Variants in NPIPB8 observed in about 807,000 individuals in gnomAD.
NPIPB8 encodes the protein nuclear pore complex interacting protein family member B8.
A neutral mutation model predicts 5.3 loss-of-function variants in NPIPB8; 3 were observed. That is an observed-to-expected ratio of 0.57 (90% confidence interval 0.26 to 1.47). The LOEUF (loss-of-function observed/expected upper bound fraction) is 1.47, where lower values mean the gene tolerates loss of function less well. Among genes scored for constraint, NPIPB8 ranks in the 40% most tolerant of loss-of-function variants. The pLI is 0.13. For synonymous variants in NPIPB8, 18 were observed against 23.0 expected (o/e 0.78, Z 0.62); for missense variants, 50 against 50.2 (o/e 1.00, Z 0.01).
chr16:28,638,161 G>T lies in NPIPB8; in HGVS notation c.-39+11G>T. On this transcript the variant is annotated intron_variant, in intron 1 of 7. Transcript: ENST00000683297. Reference sequence around the variant, plus strand: ...CAGAAGAAAACTGAGGTTAAAAGGGGTAAAGTAATTTTGCATGGCATGAAG... The same window carrying T: ...CAGAAGAAAACTGAGGTTAAAAGGGTTAAAGTAATTTTGCATGGCATGAAG... 1 of 653,056 alleles carries T rather than the reference G, an allele frequency of 1.5e-6. No homozygotes were observed. Among genetic ancestry groups the T allele is most frequent in the East Asian group, 2.7e-5 (1 of 36,468 alleles). 40.5% of individuals were successfully genotyped at this position (653,056 alleles called of 1,614,324 possible).
chr16:28,646,575 AT>A (rs1203583733), intron 2 of NPIPB8, among the ~76,000 whole-genome samples: 2 of 11,486 alleles, frequency 1.7e-4, no homozygotes, highest in East Asian at 2.3e-3. Context: ...TCTTCATTGT[AT>A]TTTTTTTTTT....
intron 5 of NPIPB8, among the ~76,000 whole-genome samples, chr16:28,653,206 G>A (rs2048074183): frequency 9.8e-6 from 1 of 102,520 alleles, no homozygotes; most frequent in Admixed American, 1.0e-4. Flanking sequence ...TTGAGTAGCT[G>A]GGACTACAGG....
At position 28,645,325 on chromosome 16, in the gene NPIPB8, C is replaced by T. The variant is rs1354063011; in HGVS notation, c.121-2810C>T. Among the ~76,000 whole-genome samples the T allele has an allele frequency of 2.2e-4, 18 of 83,674 alleles. 1 individual carries two copies. The East Asian group carries it at 4.4e-3, about 20-fold the overall frequency. 54.9% of individuals were successfully genotyped at this position (83,674 alleles called of 152,430 possible). ...TACAGGCGTGAGCCACCGCGCCTGG[C>T]CAAAATATATAACCTTAAGTGTAAG... On this transcript the variant is annotated intron_variant, in intron 2 of 7. Coordinates refer to ENST00000683297, the MANE Select transcript of NPIPB8 (RefSeq NM_001310136.2).
At chr16:28,652,901 CTTTT>C (rs1197252358) in intron 5 of NPIPB8, among the ~76,000 whole-genome samples, 12 of 90,922 alleles carry the variant, frequency 1.3e-4, no homozygotes, top group Non-Finnish European at 2.4e-4. Flanking sequence ...CACACCCAGG[CTTTT>C]TTTTTTTTTT....
chr16:28,641,958 T>C (rs1171740092), intron 2 of NPIPB8, among the ~76,000 whole-genome samples: 1 of 145,232 alleles, frequency 6.9e-6, no homozygotes, highest in Non-Finnish European at 1.5e-5. Flanking sequence ...CCTTTCCCTG[T>C]CTCTGCTTGG....
intron 2 of NPIPB8, among the ~76,000 whole-genome samples, chr16:28,642,616 G>C (rs1200018308): frequency 2.7e-5 from 4 of 150,626 alleles, no homozygotes; most frequent in Non-Finnish European, 5.9e-5. Context: ...TCCCAAGTAG[G>C]TGGGACTACA....
chr16:28,652,751 A>G (rs1269731960), intron 5 of NPIPB8, among the ~76,000 whole-genome samples: 1 of 134,582 alleles, frequency 7.4e-6, no homozygotes, highest in African/African-American at 3.0e-5. Context: ...ACAGGTGCCC[A>G]CCACCATGCC....
intron 3 of NPIPB8, among the ~76,000 whole-genome samples, chr16:28,651,031 C>A (rs1237700417): frequency 2.1e-5 from 2 of 96,058 alleles, no homozygotes; most frequent in Non-Finnish European, 3.8e-5. Flanking sequence ...TGTCACCAGG[C>A]TGGAGTGCAG....
chr16:28,652,556 T>C (rs1221372742), intron 5 of NPIPB8, among the ~76,000 whole-genome samples, 192 bp downstream of exon 5: 2 of 109,152 alleles, frequency 1.8e-5, no homozygotes, highest in African/African-American at 4.1e-5. Flanking sequence ...TTGTTTGTAA[T>C]TTTTTCGGGG....
At chr16:28,639,271 T>G (rs1439751600) in intron 2 of NPIPB8, among the ~76,000 whole-genome samples, 2,934 of 148,990 alleles carry the variant, frequency 0.02, 87 homozygotes, top group African/African-American at 0.068. Context: ...TCATTTGTTT[T>G]GAATGCTCTG....
intron 2 of NPIPB8, among the ~76,000 whole-genome samples, chr16:28,641,388 A>G (rs3987678): frequency 1.5e-5 from 2 of 133,804 alleles, no homozygotes; most frequent in Middle Eastern, 3.5e-3. Context: ...TCTGTGCCTG[A>G]CTGTACTGCT....
Position 28,655,847 on chromosome 16 carries a change from G to A in NPIPB8, c.600-616G>A. ...AACACGGTGAGGATATTAATACAAA[G>A]AGAATACAGCTTTATGATAAAAGAT... On this transcript the variant is annotated intron_variant, in intron 5 of 7. Transcript: ENST00000683297. Among the ~76,000 whole-genome samples, 4 of 95,126 alleles carry A rather than the reference G, an allele frequency of 4.2e-5. 1 individual carries two copies. In the East Asian group the frequency reaches 8.7e-4, roughly 21 times the overall value. The allele number at this position is 95,126 out of a possible 152,430, so 62.4% of individuals were successfully genotyped here.
intron 2 of NPIPB8, among the ~76,000 whole-genome samples, chr16:28,641,897 G>A (rs2047902932): frequency 1.5e-5 from 2 of 130,962 alleles, no homozygotes; most frequent in Admixed American, 1.7e-4. Flanking sequence ...CCTTTCCTGG[G>A]CTGCACGAAT....
chr16:28,642,073 CT>C (rs2047906904), intron 2 of NPIPB8, among the ~76,000 whole-genome samples: 1 of 150,846 alleles, frequency 6.6e-6, no homozygotes, highest in South Asian at 2.1e-4. Context: ...TTGGTCTCTC[CT>C]TTTATAACCA....
intron 2 of NPIPB8, among the ~76,000 whole-genome samples, chr16:28,638,926 G>A (rs1474984661): frequency 1.1e-4 from 17 of 149,560 alleles, no homozygotes; most frequent in African/African-American, 3.0e-4. Context: ...AAAATTAGCC[G>A]GGCATGGTGG....
chr16:28,640,127 A>C (rs1314320064), intron 2 of NPIPB8, among the ~76,000 whole-genome samples: 1 of 151,830 alleles, frequency 6.6e-6, no homozygotes, highest in African/African-American at 2.4e-5. Context: ...GCAGAGCTGG[A>C]ACTGAAACCT....
rs1298156224 is a variant in NPIPB8, at chr16:28,644,717, A to G, written c.121-3418A>G. On this transcript the variant is annotated intron_variant, in intron 2 of 7. Transcript: ENST00000683297. Reference sequence around the variant, plus strand: ...TTACTGGGCTGTGTCACGCGGCATGAAATTACACAGCTCAGGCCTGTAATC... The same window carrying G: ...TTACTGGGCTGTGTCACGCGGCATGGAATTACACAGCTCAGGCCTGTAATC... The G allele has an allele frequency of 8.0e-6, 8 of 998,232 alleles. No individual in the cohort carries two copies. In the African/African-American group the frequency reaches 1.2e-4, roughly 14 times the overall value. 61.8% of individuals were successfully genotyped at this position (998,232 alleles called of 1,614,324 possible). A position where few individuals can be genotyped will look rare whatever the true frequency, so the allele number is the denominator to read the frequency against.
rs755846284 is a variant in NPIPB8 at position 28,638,412 on chromosome 16, G to A, written c.52G>A (p.Gly18Ser). 5.4e-5 allele frequency: 85 copies of A among 1,572,464 alleles called. 3 individuals are homozygous for A. Among genetic ancestry groups the A allele is most frequent in the African/African-American group, 2.3e-4 (17 of 72,566 alleles). ...LTPQFLSHDQ[G>S]QLTKELQQHV... ...CCCACAGTTCCTGTCCCATGACCAG[G>A]GCCAGCTCACCAAGGAGCTGCAGCA... The change falls in exon 2 of 8, where the codon GGC (glycine) becomes AGC (serine). Residue 18 changes from glycine to serine, a missense_variant. By Grantham distance (56) the Gly-to-Ser change is moderately conservative. Coordinates refer to ENST00000683297, the MANE Select transcript of NPIPB8 (RefSeq NM_001310136.2).
intron 2 of NPIPB8, among the ~76,000 whole-genome samples, chr16:28,642,782 C>G (rs972133900): frequency 2.6e-5 from 4 of 151,760 alleles, no homozygotes; most frequent in Non-Finnish European, 5.9e-5. Flanking sequence ...ACACCCAGCC[C>G]CTGTTTTGTT....
Sources: allele counts gnomAD v4.1 joint callset (sites outside exome capture counted in the v4.1 genomes callset), GRCh38; gene constraint gnomAD v4.1.1; transcripts MANE v1.5; gene names NCBI Gene and HGNC (gene_info 2026-07-23, HGNC 2026-07-21).